URB2: variants seen among roughly 807,000 people sequenced by gnomAD.
URB2 encodes the protein URB2 ribosome biogenesis homolog.
Under a neutral mutation model 120.9 loss-of-function variants are expected in URB2, and 86 were observed. That is an observed-to-expected ratio of 0.71 (90% confidence interval 0.60 to 0.85). The LOEUF (loss-of-function observed/expected upper bound fraction) is 0.85. URB2 is among the 40% of genes least tolerant of loss of function. The pLI is 0.00. For synonymous variants in URB2, 755 were observed against 758.4 expected (o/e 1.00, Z 0.07); for missense variants, 1,765 against 1,836.5 (o/e 0.96, Z 0.71).
intron 4 of URB2, among the ~76,000 whole-genome samples, chr1:229,641,302 C>T (rs1486057921): frequency 3.3e-5 from 5 of 152,102 alleles, no homozygotes; most frequent in African/African-American, 4.8e-5. Context: ...CATAAGCCAC[C>T]GTGCCTGGCC....
intron 4 of URB2, among the ~76,000 whole-genome samples, chr1:229,641,760 G>A (rs1244451418): frequency 6.6e-6 from 1 of 152,164 alleles, no homozygotes; most frequent in Non-Finnish European, 1.5e-5. Context: ...GTGGTGGCTG[G>A]CATCTGTAAT....
At chr1:229,653,945 T>G (rs968707843) in intron 8 of URB2, among the ~76,000 whole-genome samples, 4 of 150,192 alleles carry the variant, frequency 2.7e-5, no homozygotes, top group Non-Finnish European at 5.9e-5. Flanking sequence ...TGTTTTTTTT[T>G]TTTTTTTTTT....
chr1:229,642,648 C>A (rs1666038165), intron 4 of URB2, among the ~76,000 whole-genome samples: 3 of 152,158 alleles, frequency 2.0e-5, no homozygotes, highest in African/African-American at 2.4e-5. Flanking sequence ...GACTTCCTGA[C>A]AGTCATCCAG....
At chr1:229,630,402 G>A (rs1665628713) in intron 2 of URB2, among the ~76,000 whole-genome samples, 1 of 152,216 alleles carries the variant, frequency 6.6e-6, no homozygotes, top group Non-Finnish European at 1.5e-5. Flanking sequence ...GGTCACCCAA[G>A]AGCAGTAATC....
At chr1:229,650,777 A>T (rs551138017) in intron 7 of URB2, 1 of 151,908 alleles carries the variant, frequency 6.6e-6, no homozygotes, top group African/African-American at 2.4e-5. Context: ...CCTTTTCACC[A>T]CTATTAATTG....
At chr1:229,629,444 C>T (rs544940599) in intron 2 of URB2, among the ~76,000 whole-genome samples, 2 of 152,238 alleles carry the variant, frequency 1.3e-5, no homozygotes, top group South Asian at 2.1e-4. Flanking sequence ...TTTGGTTCCA[C>T]GTCACTGAAA....
Position 229,632,300 on chromosome 1 carries a change from T to C in URB2, c.158T>C (p.Val53Ala), listed in dbSNP as rs369973606. 3.8e-6 allele frequency: 6 copies of C among 1,582,566 alleles called. No homozygotes were observed. In the African/African-American group the frequency reaches 6.8e-5, roughly 18 times the overall value. ...VLLDWARQSL[V>A]AFYKKKLELK... ...CTTGATTGGGCAAGACAATCATTGGTTGCATTTTATAAGAAAAAGCTTGAA... is the reference window on the plus strand; with the variant it reads ...CTTGATTGGGCAAGACAATCATTGGCTGCATTTTATAAGAAAAAGCTTGAA... The change falls in exon 3 of 10, where the codon GTT becomes GCT. Residue 53 changes from valine to alanine, a missense_variant. Coordinates refer to ENST00000258243, the MANE Select transcript of URB2 (RefSeq NM_014777.4).
intron 2 of URB2, among the ~76,000 whole-genome samples, chr1:229,628,135 A>AAT (rs199699286): frequency 1.4e-4 from 17 of 123,356 alleles, no homozygotes; most frequent in East Asian, 1.0e-3. Context: ...ATACATATAT[A>AAT]ATATATATAT....
intron 4 of URB2, among the ~76,000 whole-genome samples, chr1:229,642,842 A>G (rs1035045017): frequency 6.6e-6 from 1 of 152,208 alleles, no homozygotes; most frequent in Non-Finnish European, 1.5e-5. Context: ...AATTCCGTGT[A>G]TATCCTTCTG....
chr1:229,638,374 G>A (rs373090963), intron 4 of URB2, 127 bp downstream of exon 4: 70 of 1,117,530 alleles, frequency 6.3e-5, no homozygotes, highest in African/African-American at 1.4e-4. Context: ...GGCTGGGTGC[G>A]GTGGCTTACA....
At chr1:229,632,577 T>C (rs1665699118) in intron 3 of URB2, 132 bp downstream of exon 3, 2 of 704,316 alleles carry the variant, frequency 2.8e-6, no homozygotes, top group South Asian at 7.4e-5. Context: ...GGATGTAATA[T>C]TATTGGAATT....
At chr1:229,652,679 A>C (rs1434528343) in intron 8 of URB2, among the ~76,000 whole-genome samples, 1 of 152,208 alleles carries the variant, frequency 6.6e-6, no homozygotes, top group African/African-American at 2.4e-5. Flanking sequence ...GTGGCTGCCT[A>C]CAGTTCTGTG....
At position 229,637,671 on chromosome 1, in the gene URB2, G is replaced by A; in HGVS notation, c.3058G>A (p.Val1020Met). 1 of 1,614,236 alleles carries A rather than the reference G, an allele frequency of 6.2e-7. No homozygotes were observed. The highest frequency in any genetic ancestry group is 8.5e-7 in the Non-Finnish European group (1 of 1,180,044). ...GCTCATCCAAATGAAGCTGAGCTTG[G>A]TGCTCAATTTTAGAAAAATCACCGC... ...QMLIQMKLSL[V>M]LNFRKITAFL... The change falls in exon 4 of 10, where the codon GTG (valine) becomes ATG (methionine). Residue 1020 changes from valine (V) to methionine (M), a missense_variant. Coordinates refer to ENST00000258243, the MANE Select transcript of URB2 (RefSeq NM_014777.4).
At chr1:229,627,498 A>C (rs1287143138) in intron 1 of URB2, 123 bp from the exon 2 acceptor site, 1 of 942,106 alleles carries the variant, frequency 1.1e-6, no homozygotes, top group Non-Finnish European at 1.5e-6. Context: ...GATTCATTAA[A>C]AACTTTTAAA....
Position 229,634,815 on chromosome 1 carries a change from G to A in URB2, c.304-102G>A, listed in dbSNP as rs557608822. On this transcript the variant is annotated intron_variant, in intron 3 of 9. Coordinates refer to ENST00000258243, the MANE Select transcript of URB2 (RefSeq NM_014777.4). ...CTGGGCATTTCTTTCTTACCAAGAT[G>A]AGGGAAAGGGGTGAGTTTGTTGATT... The A allele has an allele frequency of 4.0e-5, 44 of 1,092,232 alleles. No individual in the cohort carries two copies. The African/African-American group carries it at 6.1e-4, about 15-fold the overall frequency. 67.7% of individuals were successfully genotyped at this position (1,092,232 alleles called of 1,614,324 possible).
rs1429444299 is a variant in URB2, at chr1:229,635,935, C to CA, written c.1323dup (p.Glu442ArgfsTer30). On this transcript the variant is annotated frameshift_variant, in exon 4 of 10. Coordinates refer to ENST00000258243, the MANE Select transcript of URB2 (RefSeq NM_014777.4). LOFTEE classifies it high-confidence loss of function. ...TCAGCGTGGATCGATGCCGAGGTAA[C>CA]AGAGTTTCGAACCAAAAAAGCCCAG... 6.2e-7 allele frequency: 1 copy of CA among 1,614,106 alleles called. No homozygotes were observed. Among genetic ancestry groups the CA allele is most frequent in the African/African-American group, 1.3e-5 (1 of 74,944 alleles).
chr1:229,629,240 A>T (rs900839367), intron 2 of URB2, among the ~76,000 whole-genome samples: 5 of 152,208 alleles, frequency 3.3e-5, no homozygotes, highest in Non-Finnish European at 5.9e-5. Context: ...CTCCCAGATG[A>T]TGTATAAATA....
Position 229,654,367 on chromosome 1 carries a change from G to A in URB2, c.4356G>A (p.Gln1452=), listed in dbSNP as rs199905819. 5 of 1,614,176 alleles carry A rather than the reference G, an allele frequency of 3.1e-6. No homozygotes were observed. The highest frequency in any genetic ancestry group is 4.2e-6 in the Non-Finnish European group (5 of 1,180,038). ...FAVFSPFMVA[Q]YVLEVQKVTL... Reference sequence around the variant, plus strand: ...TGTTTTCCCCATTTATGGTGGCCCAGTACGTGTTGGAGGTACAGAAGGTAA... The same window carrying A: ...TGTTTTCCCCATTTATGGTGGCCCAATACGTGTTGGAGGTACAGAAGGTAA... Residue 1452 remains glutamine, a synonymous_variant, in exon 9 of 10, where the codon CAG becomes CAA. Transcript: ENST00000258243.
intron 8 of URB2, among the ~76,000 whole-genome samples, chr1:229,651,786 T>C (rs1163507006): frequency 6.6e-6 from 1 of 152,252 alleles, no homozygotes; most frequent in Non-Finnish European, 1.5e-5. Flanking sequence ...AGGGAAACAC[T>C]AACTGCCATA....
Sources: gnomAD v4.1 joint callset for allele counts (sites outside exome capture counted in the v4.1 genomes callset) on GRCh38, gnomAD v4.1.1 for gene constraint, MANE v1.5 for transcripts, NCBI Gene and HGNC (gene_info 2026-07-23, HGNC 2026-07-21) for gene names.